The following PCDH15 variants were observed in gnomAD, a reference collection of about 807,000 sequenced individuals.
PCDH15 encodes the protein protocadherin-15.
Under a neutral mutation model 178.5 loss-of-function variants are expected in PCDH15, and 129 were observed. That is an observed-to-expected ratio of 0.72 (90% confidence interval 0.63 to 0.84). PCDH15 has a LOEUF of 0.84. Among genes scored for constraint, PCDH15 ranks in the 40% least tolerant of loss-of-function variants. PCDH15 has a pLI of 0.00. For missense variants in PCDH15, 2,230 were observed against 2,099.9 expected (o/e 1.06, Z -1.21); for synonymous variants, 800 against 732.0 (o/e 1.09, Z -1.50).
At chr10:55,487,448 G>T (rs574797341) in intron 2 of PCDH15, among the ~76,000 whole-genome samples, 2 of 151,612 alleles carry the variant, frequency 1.3e-5, no homozygotes, top group South Asian at 2.1e-4. Flanking sequence ...AACACTCAAA[G>T]AATCCACCCA....
intron 1 of PCDH15, among the ~76,000 whole-genome samples, chr10:55,197,678 T>G (rs2132154411): frequency 6.6e-6 from 1 of 152,234 alleles, no homozygotes; most frequent in East Asian, 1.9e-4. Flanking sequence ...TATCATCCAC[T>G]TCTACACATC....
intron 6 of PCDH15, among the ~76,000 whole-genome samples, chr10:54,344,904 C>CAAAAAAAAAAA (rs57295345): frequency 2.2e-4 from 17 of 78,882 alleles, no homozygotes; most frequent in East Asian, 7.1e-4. Flanking sequence ...AGAAACAAAG[C>CAAAAAAAAAAA]AAAAAAAAAA....
intron 2 of PCDH15, among the ~76,000 whole-genome samples, chr10:55,485,839 C>T (rs1323849689): frequency 2.0e-5 from 3 of 151,628 alleles, no homozygotes; most frequent in Non-Finnish European, 4.4e-5. Context: ...ACTTGCATTC[C>T]AATGTGATTT....
At chr10:54,553,849 T>C (rs1415387159) in intron 2 of PCDH15, among the ~76,000 whole-genome samples, 3 of 152,318 alleles carry the variant, frequency 2.0e-5, no homozygotes, top group African/African-American at 7.2e-5. Context: ...GAAAACACTA[T>C]GCAAAAGCAA....
At chr10:54,106,625 A>T (rs1565278168) in intron 15 of PCDH15, among the ~76,000 whole-genome samples, 1 of 152,234 alleles carries the variant, frequency 6.6e-6, no homozygotes, top group Non-Finnish European at 1.5e-5. Flanking sequence ...AGCATAAAAA[A>T]CAGACTTGCT....
intron 3 of PCDH15, among the ~76,000 whole-genome samples, chr10:54,471,711 G>A (rs2077932866): frequency 1.3e-5 from 2 of 151,164 alleles, no homozygotes; most frequent in Non-Finnish European, 2.9e-5. Flanking sequence ...CATGAGGTAT[G>A]ATAAAAGAGC....
chr10:54,806,143 T>C (rs141208682), upstream of PCDH15, among the ~76,000 whole-genome samples: 88 of 152,338 alleles, frequency 5.8e-4, no homozygotes, highest in Non-Finnish European at 1.1e-3. Context: ...ATACTTCTGG[T>C]ATTTTCCTAA....
At chr10:54,193,646 T>C (rs2049265778) in intron 11 of PCDH15, among the ~76,000 whole-genome samples, 1 of 152,166 alleles carries the variant, frequency 6.6e-6, no homozygotes, top group East Asian at 1.9e-4. Flanking sequence ...CCACTATACA[T>C]CAGAGAATCC....
At chr10:55,144,371 T>C (rs796201557) in intron 2 of PCDH15, among the ~76,000 whole-genome samples, 4 of 147,724 alleles carry the variant, frequency 2.7e-5, no homozygotes, top group Non-Finnish European at 4.6e-5. Flanking sequence ...GGAAGCAATA[T>C]ACAATTAAGA....
At chr10:54,779,289 C>T (rs554742829) in intron 1 of PCDH15, among the ~76,000 whole-genome samples, 2 of 150,292 alleles carry the variant, frequency 1.3e-5, no homozygotes, top group African/African-American at 4.9e-5. Context: ...AGGATAAAGC[C>T]AAATTCTTTA....
At chr10:55,489,591 A>T (rs1462777124) in intron 2 of PCDH15, among the ~76,000 whole-genome samples, 1 of 151,724 alleles carries the variant, frequency 6.6e-6, no homozygotes, top group Non-Finnish European at 1.5e-5. Flanking sequence ...AGTAAGAAGT[A>T]CTTCCATTTG....
chr10:55,446,611 C>T (rs1037733003), intron 2 of PCDH15, among the ~76,000 whole-genome samples: 9 of 151,986 alleles, frequency 5.9e-5, no homozygotes, highest in Admixed American at 2.6e-4. Context: ...CATCAACATG[C>T]GCATACTTGC....
intron 2 of PCDH15, among the ~76,000 whole-genome samples, chr10:55,378,906 T>A (rs1407496188): frequency 1.3e-5 from 2 of 148,564 alleles, no homozygotes; most frequent in African/African-American, 5.0e-5. Flanking sequence ...TCTCTCTCTC[T>A]CTCACATATG....
intron 27 of PCDH15, among the ~76,000 whole-genome samples, chr10:53,857,604 G>A (rs879646820): frequency 7.2e-5 from 11 of 151,880 alleles, no homozygotes; most frequent in Non-Finnish European, 1.5e-4. Context: ...GAACACCCAA[G>A]ATAATGAAAA....
chr10:53,858,983 TTCCC>T (rs1175730974), intron 27 of PCDH15, among the ~76,000 whole-genome samples: 4 of 151,828 alleles, frequency 2.6e-5, no homozygotes, highest in Non-Finnish European at 4.4e-5. Flanking sequence ...TGCATAACTG[TTCCC>T]TCCCTCCCTC....
At chr10:55,006,771 C>G (rs1017818216) in intron 2 of PCDH15, among the ~76,000 whole-genome samples, 2 of 152,154 alleles carry the variant, frequency 1.3e-5, no homozygotes, top group Non-Finnish European at 2.9e-5. Flanking sequence ...TATTTTGGAG[C>G]TTTAATATTT....
At chr10:54,416,287 C>A (rs1326921318) in intron 3 of PCDH15, among the ~76,000 whole-genome samples, 2 of 152,108 alleles carry the variant, frequency 1.3e-5, no homozygotes. Context: ...CTCCCCACCC[C>A]CCAAAAGGCC....
chr10:55,622,102 ATAT>A (rs1449603159), intron 2 of PCDH15, among the ~76,000 whole-genome samples: 1 of 69,288 alleles, frequency 1.4e-5, no homozygotes, highest in Admixed American at 1.6e-4. Flanking sequence ...TAATGTATAT[ATAT>A]TATATATATC....
At chr10:55,000,181 C>T (rs942636927) in intron 2 of PCDH15, among the ~76,000 whole-genome samples, 10 of 152,090 alleles carry the variant, frequency 6.6e-5, no homozygotes, top group Non-Finnish European at 1.2e-4. Flanking sequence ...AGCCTGGGAG[C>T]GCTATGGGAG....
Sources: allele counts gnomAD v4.1 joint callset (sites outside exome capture counted in the v4.1 genomes callset), GRCh38; gene constraint gnomAD v4.1.1; transcripts MANE v1.5; gene names NCBI Gene and HGNC (gene_info 2026-07-23, HGNC 2026-07-21).